The following PCDHGA9 variants were observed in gnomAD, a reference collection of about 807,000 sequenced individuals.
The protein encoded by PCDHGA9 is protocadherin gamma subfamily A, 9.
Under a neutral mutation model 62.5 loss-of-function variants are expected in PCDHGA9, and 37 were observed. The observed-to-expected ratio is 0.59, with a 90% confidence interval of 0.46 to 0.78. The LOEUF (loss-of-function observed/expected upper bound fraction) is 0.78. Ranked by LOEUF, PCDHGA9 falls within the 30% of genes least tolerant of loss-of-function variation. The probability of loss-of-function intolerance (pLI) is 0.00; values close to 1 mark genes in which losing one functional copy is unlikely to be tolerated. For synonymous variants in PCDHGA9, 459 were observed against 484.6 expected (o/e 0.95, Z 0.69); for missense variants, 1,138 against 1,166.2 (o/e 0.98, Z 0.35).
intron 1 of PCDHGA9, among the ~76,000 whole-genome samples, chr5:141,456,625 C>T (rs544550965): frequency 4.6e-5 from 7 of 152,288 alleles, no homozygotes; most frequent in African/African-American, 1.4e-4. Flanking sequence ...AGATTTGCCT[C>T]TTCTTTACTA....
Position 141,489,263 on chromosome 5 carries a change from A to G in PCDHGA9, c.2425-5544A>G. The G allele has an allele frequency of 6.4e-7, 1 of 1,552,104 alleles. No homozygotes were observed. Among genetic ancestry groups the G allele is most frequent in the South Asian group, 1.3e-5 (1 of 79,626 alleles). On this transcript the variant is annotated intron_variant, in intron 1 of 3. Transcript: ENST00000573521. This position sits in a 1 kb window ranked among gnomAD's most constrained non-coding sequence, Gnocchi z 4.5. ...GTCATGGGGCCCAAGACACTCCCAC[A>G]GCTCGCTGGGAAATGGCAAGTGCTG...
rs1160304959 is a variant in PCDHGA9, at chr5:141,490,969, C to A, written c.2425-3838C>A. On this transcript the variant is annotated intron_variant, in intron 1 of 3. Coordinates refer to ENST00000573521, the MANE Select transcript of PCDHGA9 (RefSeq NM_018921.3). This position sits in a 1 kb window ranked among gnomAD's most constrained non-coding sequence, Gnocchi z 5.4. ...GCCAGACTGGGAACACTCAGCCCCC[C>A]AGCGTCTCCCTCGCTCTGCTCCTCC... The A allele has an allele frequency of 2.5e-6, 4 of 1,613,820 alleles. No individual in the cohort carries two copies. In the African/African-American group the frequency reaches 4.0e-5, roughly 16 times the overall value.
Position 141,485,098 on chromosome 5 carries a change from A to G in PCDHGA9, c.2425-9709A>G, listed in dbSNP as rs2099606903. ...CGGGGAAAGGGAGATAGGTGTCTCCAGCTGCTGTGGCTGTTTGGGGCGGGT... is the reference window on the plus strand; with the variant it reads ...CGGGGAAAGGGAGATAGGTGTCTCCGGCTGCTGTGGCTGTTTGGGGCGGGT... On this transcript the variant is annotated intron_variant, in intron 1 of 3. Transcript: ENST00000573521. This position sits in a 1 kb window ranked among gnomAD's most constrained non-coding sequence, Gnocchi z 5.7. 8.8e-7 allele frequency: 1 copy of G among 1,134,792 alleles called. No individual in the cohort carries two copies. Among genetic ancestry groups the G allele is most frequent in the South Asian group, 1.4e-5 (1 of 71,796 alleles). The allele number at this position is 1,134,792 out of a possible 1,614,324, so 70.3% of individuals were successfully genotyped here. A position where few individuals can be genotyped will look rare whatever the true frequency, so the allele number is the denominator to read the frequency against.
At chr5:141,423,598 C>A in intron 1 of PCDHGA9, 1 of 1,612,940 alleles carries the variant, frequency 6.2e-7, no homozygotes, top group East Asian at 2.2e-5. Flanking sequence ...GAAAAGCGAG[C>A]CACTCTTGAT....
chr5:141,422,790 C>G, intron 1 of PCDHGA9: 1 of 1,614,060 alleles, frequency 6.2e-7, no homozygotes, highest in South Asian at 1.1e-5. Context: ...TACAATCCTT[C>G]GACTATGAGC....
chr5:141,450,937 A>G (rs1011608521), intron 1 of PCDHGA9, among the ~76,000 whole-genome samples: 1 of 148,134 alleles, frequency 6.8e-6, no homozygotes, highest in African/African-American at 2.5e-5. Flanking sequence ...CAATTCTCCT[A>G]CCTCAGCCTC....
intron 1 of PCDHGA9, among the ~76,000 whole-genome samples, chr5:141,443,772 C>T (rs1284723564): frequency 6.6e-6 from 1 of 151,568 alleles, no homozygotes; most frequent in Non-Finnish European, 1.5e-5. Context: ...TACAATATTA[C>T]CAAAAAGACA....
rs2099668037 is a variant in PCDHGA9 at position 141,487,853 on chromosome 5, T to C, written c.2425-6954T>C. The C allele has an allele frequency of 1.0e-6, 1 of 984,708 alleles. No individual in the cohort carries two copies. The allele number at this position is 984,708 out of a possible 1,614,324, so 61.0% of individuals were successfully genotyped here. The stretch of plus-strand genomic sequence containing the variant: ...CCTATATCTGAGTAAGAAATGAAAG[T>C]AATTGGTGATCAAGAGCCAGGCTGT... On this transcript the variant is annotated intron_variant, in intron 1 of 3. Transcript: ENST00000573521. The surrounding 1 kb of genome is among the most constrained non-coding windows in gnomAD (Gnocchi z 5.0).
chr5:141,508,935 A>T (rs180987868), intron 3 of PCDHGA9, among the ~76,000 whole-genome samples: 2 of 152,118 alleles, frequency 1.3e-5, no homozygotes, highest in Non-Finnish European at 2.9e-5. Context: ...GGAGTTAATT[A>T]GGGAAAACAG....
chr5:141,475,977 A>C, intron 1 of PCDHGA9: 1 of 972,828 alleles, frequency 1.0e-6, no homozygotes, highest in Non-Finnish European at 1.5e-6. Flanking sequence ...GAGACTGAAC[A>C]GCCGGCGAGC....
intron 1 of PCDHGA9, among the ~76,000 whole-genome samples, chr5:141,483,310 A>G (rs2099579870): frequency 6.6e-6 from 1 of 152,156 alleles, no homozygotes; most frequent in African/African-American, 2.4e-5. Context: ...GACTGGGGAC[A>G]TTGGGACTGG....
chr5:141,492,274 A>C (rs2099739010), intron 1 of PCDHGA9, among the ~76,000 whole-genome samples: 1 of 152,024 alleles, frequency 6.6e-6, no homozygotes, highest in Non-Finnish European at 1.5e-5. Flanking sequence ...CGGGCTCGCC[A>C]CGCCCCGCCA....
chr5:141,428,361 C>G, intron 1 of PCDHGA9: 2 of 556,764 alleles, frequency 3.6e-6, no homozygotes, highest in Non-Finnish European at 6.6e-6. Context: ...TTTTGGCGGT[C>G]GCCTTGCACC....
At chr5:141,429,385 T>A (rs1274446916) in intron 1 of PCDHGA9, among the ~76,000 whole-genome samples, 1 of 151,844 alleles carries the variant, frequency 6.6e-6, no homozygotes, top group Non-Finnish European at 1.5e-5. Flanking sequence ...GTGTTTTTTT[T>A]TTAAAAAAAA....
Position 141,485,666 on chromosome 5 carries a change from A to C in PCDHGA9, c.2425-9141A>C. 1.2e-6 allele frequency: 2 copies of C among 1,612,786 alleles called. No homozygotes were observed. Among genetic ancestry groups the C allele is most frequent in the Non-Finnish European group, 1.7e-6 (2 of 1,178,960 alleles). ...GGCTCAGGATGCAGATGTGGGGAGCAATTCGATTAGCAGCTATAGGCTGAG... is the reference window on the plus strand; with the variant it reads ...GGCTCAGGATGCAGATGTGGGGAGCCATTCGATTAGCAGCTATAGGCTGAG... On this transcript the variant is annotated intron_variant, in intron 1 of 3. Transcript: ENST00000573521. This position sits in a 1 kb window ranked among gnomAD's most constrained non-coding sequence, Gnocchi z 5.7.
chr5:141,486,654 T>C lies in PCDHGA9; in HGVS notation c.2425-8153T>C. ...TTGAATGCGCTTATCTCCTACTCAC[T>C]CCTGGAGCCCAGGAATCGAGATGTA... is the stretch of plus-strand genomic sequence containing the variant. On this transcript the variant is annotated intron_variant, in intron 1 of 3. Coordinates refer to ENST00000573521, the MANE Select transcript of PCDHGA9 (RefSeq NM_018921.3). The surrounding 1 kb of genome is among the most constrained non-coding windows in gnomAD (Gnocchi z 5.0). The C allele has an allele frequency of 2.5e-6, 4 of 1,613,922 alleles. No individual in the cohort carries two copies. Among genetic ancestry groups the C allele is most frequent in the Non-Finnish European group, 3.4e-6 (4 of 1,180,026 alleles).
rs368718827 is a variant in PCDHGA9, at chr5:141,410,231, G to A, written c.2424+4855G>A. On this transcript the variant is annotated intron_variant, in intron 1 of 3. Transcript: ENST00000573521. ...GCAAGAGATACTGCCAGACCTCAGC[G>A]ACCGCCCTGTACTCTCTGACCCCCA... 8.7e-6 allele frequency: 14 copies of A among 1,613,888 alleles called. No homozygotes were observed. The highest frequency in any genetic ancestry group is 1.6e-4 in the Middle Eastern group (1 of 6,084).
At chr5:141,434,980 CTA>C in intron 1 of PCDHGA9, among the ~76,000 whole-genome samples, 1 of 151,954 alleles carries the variant, frequency 6.6e-6, no homozygotes, top group East Asian at 1.9e-4. Flanking sequence ...TGTTAATACT[CTA>C]TATCATTTTC....
rs776773140 is a variant in PCDHGA9, at chr5:141,476,589, G to T, written c.2425-18218G>T. The T allele has an allele frequency of 6.2e-7, 1 of 1,614,246 alleles. No individual in the cohort carries two copies. Among genetic ancestry groups the T allele is most frequent in the South Asian group, 1.1e-5 (1 of 91,090 alleles). On this transcript the variant is annotated intron_variant, in intron 1 of 3. Coordinates refer to ENST00000573521, the MANE Select transcript of PCDHGA9 (RefSeq NM_018921.3). This position sits in a 1 kb window ranked among gnomAD's most constrained non-coding sequence, Gnocchi z 7.6. ...CCGGGGACGCGCTTTCCGCTCGAGA[G>T]CGCGCACGATCCCGATGTGGGAAGC...
Sources: gnomAD v4.1 joint callset for allele counts (sites outside exome capture counted in the v4.1 genomes callset) on GRCh38, gnomAD v4.1.1 for gene constraint, Gnocchi (gnomAD v3.1) non-coding constraint, MANE v1.5 for transcripts, NCBI Gene and HGNC (gene_info 2026-07-23, HGNC 2026-07-21) for gene names.